Variants in RASSF8 observed in about 807,000 individuals in gnomAD.
RASSF8 encodes Ras association domain family member 8.
RASSF8 carries 22 observed loss-of-function variants against 48.5 expected under a neutral mutation model. That is an observed-to-expected ratio of 0.45 (90% CI 0.32 to 0.65). The LOEUF (loss-of-function observed/expected upper bound fraction) is 0.65. Ranked by LOEUF, RASSF8 falls within the 30% of genes least tolerant of loss-of-function variation. The pLI, the probability that RASSF8 is intolerant of heterozygous loss-of-function variation, is 0.03. For missense variants in RASSF8, 418 were observed against 489.2 expected (o/e 0.85, Z 1.37); for synonymous variants, 127 against 171.5 (o/e 0.74, Z 2.03).
At chr12:26,023,661 A>G (rs1475730787) in intron 2 of RASSF8, among the ~76,000 whole-genome samples, 1 of 152,038 alleles carries the variant, frequency 6.6e-6, no homozygotes, top group African/African-American at 2.4e-5. Flanking sequence ...TCCGCATTAA[A>G]AACAAAAAAA....
At chr12:25,988,240 A>C (rs1337750081) in intron 1 of RASSF8, among the ~76,000 whole-genome samples, 1 of 152,154 alleles carries the variant, frequency 6.6e-6, no homozygotes, top group African/African-American at 2.4e-5. Context: ...TTTTAAAATA[A>C]GTTTTTTTGA....
chr12:26,068,199 C>A (rs751264721), intron 5 of RASSF8, among the ~76,000 whole-genome samples: 1 of 151,918 alleles, frequency 6.6e-6, no homozygotes, highest in Admixed American at 6.5e-5. Context: ...TAGAGGAAAA[C>A]CAGTAACATT....
intron 1 of RASSF8, among the ~76,000 whole-genome samples, chr12:25,992,349 T>G (rs1343509426): frequency 1.3e-5 from 2 of 152,254 alleles, no homozygotes; most frequent in Non-Finnish European, 2.9e-5. Context: ...TTGCCTCTCC[T>G]GTTTAGCTCT....
At chr12:26,046,187 A>T (rs1055109399) in intron 2 of RASSF8, among the ~76,000 whole-genome samples, 2 of 152,220 alleles carry the variant, frequency 1.3e-5, no homozygotes, top group Admixed American at 1.3e-4. Flanking sequence ...ACAATTGACT[A>T]AATTTATATC....
At chr12:26,053,267 T>C (rs1243487553) in intron 2 of RASSF8, among the ~76,000 whole-genome samples, 1 of 152,120 alleles carries the variant, frequency 6.6e-6, no homozygotes, top group African/African-American at 2.4e-5. Flanking sequence ...ATCTGTACCC[T>C]TTCTTGCTTG....
chr12:26,075,837 G>T (rs1944067056), downstream of RASSF8, among the ~76,000 whole-genome samples: 1 of 152,108 alleles, frequency 6.6e-6, no homozygotes, highest in African/African-American at 2.4e-5. Context: ...GAGGAGTGCG[G>T]CATGTACACC....
At chr12:26,027,134 T>C (rs937824031) in intron 2 of RASSF8, among the ~76,000 whole-genome samples, 1 of 152,118 alleles carries the variant, frequency 6.6e-6, no homozygotes, top group African/African-American at 2.4e-5. Context: ...ATATCCAGAG[T>C]AGGCAAATCC....
intron 3 of RASSF8, among the ~76,000 whole-genome samples, 170 bp from the exon 4 acceptor site, chr12:26,064,328 G>A (rs1005004010): frequency 1.3e-5 from 2 of 152,122 alleles, no homozygotes; most frequent in East Asian, 1.9e-4. Flanking sequence ...GTTACATGTC[G>A]TGAGGGGTTT....
chr12:26,057,425 G>C (rs1333102487), intron 3 of RASSF8, among the ~76,000 whole-genome samples: 2 of 152,094 alleles, frequency 1.3e-5, no homozygotes, highest in Non-Finnish European at 2.9e-5. Context: ...ATGGTTTCCA[G>C]CTTCATCCAT....
chr12:25,962,440 A>G (rs1389595275), intron 1 of RASSF8, among the ~76,000 whole-genome samples: 1 of 152,184 alleles, frequency 6.6e-6, no homozygotes, highest in Admixed American at 6.5e-5. Context: ...ACCACAATTT[A>G]TATATTATTT....
At position 26,067,725 on chromosome 12, in the gene RASSF8, A is replaced by G. The variant is rs1451071942; in HGVS notation, c.1138+12A>G. On this transcript the variant is annotated intron_variant, in intron 5 of 5. Transcript: ENST00000689635. ...AGACATTGAAAGGGGTAAGATGTTG[A>G]TAAATATGGTTTATTTTCCCTTTAT... 6.2e-7 allele frequency: 1 copy of G among 1,613,348 alleles called. No homozygotes were observed.
At chr12:26,008,265 C>G (rs529945591) in intron 2 of RASSF8, among the ~76,000 whole-genome samples, 1 of 148,820 alleles carries the variant, frequency 6.7e-6, no homozygotes, top group Non-Finnish European at 1.5e-5. Context: ...AGCGAGACTC[C>G]GTTTAAAAAA....
chr12:26,029,749 TA>T (rs1055147419), intron 2 of RASSF8, among the ~76,000 whole-genome samples: 1 of 152,094 alleles, frequency 6.6e-6, no homozygotes, highest in Non-Finnish European at 1.5e-5. Flanking sequence ...ATTATTATTA[TA>T]ACAGAAAAAC....
At chr12:26,026,721 A>G (rs905940881) in intron 2 of RASSF8, among the ~76,000 whole-genome samples, 1 of 152,140 alleles carries the variant, frequency 6.6e-6, no homozygotes, top group African/African-American at 2.4e-5. Context: ...TAGGCGTAAT[A>G]TTAATTTTAA....
At chr12:26,002,564 A>G in intron 2 of RASSF8, among the ~76,000 whole-genome samples, 1 of 152,210 alleles carries the variant, frequency 6.6e-6, no homozygotes, top group Non-Finnish European at 1.5e-5. Flanking sequence ...TCACGAGGTC[A>G]GGAGTTTGAG....
At chr12:26,074,129 G>C (rs1944049477), downstream of RASSF8, among the ~76,000 whole-genome samples, 1 of 152,132 alleles carries the variant, frequency 6.6e-6, no homozygotes, top group African/African-American at 2.4e-5. Context: ...CTAAAATCAT[G>C]TTTTGTTAAT....
intron 3 of RASSF8, among the ~76,000 whole-genome samples, chr12:26,058,020 C>T (rs1011389234): frequency 2.0e-5 from 3 of 152,106 alleles, no homozygotes; most frequent in Non-Finnish European, 2.9e-5. Context: ...GGAAAATGCC[C>T]GGAGGTACCA....
intron 2 of RASSF8, among the ~76,000 whole-genome samples, chr12:26,026,331 A>ATT (rs1392607292): frequency 2.0e-5 from 3 of 152,260 alleles, no homozygotes; most frequent in Non-Finnish European, 4.4e-5. Flanking sequence ...CTATGTACAA[A>ATT]TGGCCAATCA....
intron 1 of RASSF8, among the ~76,000 whole-genome samples, chr12:25,960,184 T>C (rs904827684): frequency 6.6e-6 from 1 of 152,218 alleles, no homozygotes; most frequent in Non-Finnish European, 1.5e-5. Flanking sequence ...TCTCTGCTTT[T>C]CTCTCCATTA....
Sources: gnomAD v4.1 joint callset for allele counts (sites outside exome capture counted in the v4.1 genomes callset) on GRCh38, gnomAD v4.1.1 for gene constraint, MANE v1.5 for transcripts, NCBI Gene and HGNC (gene_info 2026-07-23, HGNC 2026-07-21) for gene names.